The following VTI1A variants were observed in gnomAD, a reference collection of about 807,000 sequenced individuals.
VTI1A encodes vesicle transport through interaction with t-SNAREs 1A, also known as vesicle transport through interaction with t-SNAREs homolog 1A.
In VTI1A, 22 loss-of-function variants were observed where a neutral mutation model predicts 34.9. The ratio of observed to expected loss-of-function variants is 0.63; its 90% CI spans 0.45 to 0.90. The LOEUF (loss-of-function observed/expected upper bound fraction) is 0.90. VTI1A is among the 40% of genes least tolerant of loss of function. The probability of loss-of-function intolerance (pLI) is 0.00; values close to 1 mark genes in which losing one functional copy is unlikely to be tolerated. For synonymous variants in VTI1A, 87 were observed against 97.3 expected, an observed-to-expected ratio of 0.89 and a Z score of 0.62; for missense variants, 268 against 275.6, an observed-to-expected ratio of 0.97 and a Z score of 0.20.
At chr10:112,491,672 T>A (rs574648638) in intron 3 of VTI1A, among the ~76,000 whole-genome samples, 1 of 152,306 alleles carries the variant, frequency 6.6e-6, no homozygotes, top group South Asian at 2.1e-4. Flanking sequence ...TAATGAGATA[T>A]TTTACATTCT....
At chr10:112,619,238 T>A (rs1845638944) in intron 5 of VTI1A, among the ~76,000 whole-genome samples, 1 of 152,060 alleles carries the variant, frequency 6.6e-6, no homozygotes, top group Non-Finnish European at 1.5e-5. Flanking sequence ...TGGAAAACAG[T>A]TATTTGGGAG....
Position 112,668,305 on chromosome 10 carries a change from C to G in VTI1A, c.498+17C>G, listed in dbSNP as rs1202397315. 2.5e-6 allele frequency: 4 copies of G among 1,609,224 alleles called. No individual in the cohort carries two copies. The highest frequency in any genetic ancestry group is 3.4e-6 in the Non-Finnish European group (4 of 1,177,038). On this transcript the variant is annotated intron_variant, in intron 6 of 7. Transcript: ENST00000393077. ...CGTGAAAGAGTAAGTACAATTGATA[C>G]AGTTTTTTCACATATTCAGTAAATG...
chr10:112,693,725 G>T (rs1240975484), intron 7 of VTI1A, among the ~76,000 whole-genome samples: 1 of 152,100 alleles, frequency 6.6e-6, no homozygotes, highest in African/African-American at 2.4e-5. Flanking sequence ...AAGCACAAAA[G>T]GTAAATTAAA....
chr10:112,660,796 C>T (rs896865619), intron 5 of VTI1A, among the ~76,000 whole-genome samples: 1 of 152,106 alleles, frequency 6.6e-6, no homozygotes, highest in African/African-American at 2.4e-5. Flanking sequence ...TTACAGCCTA[C>T]CTTAAATAAA....
chr10:112,653,295 A>AT (rs1475459658), intron 5 of VTI1A, among the ~76,000 whole-genome samples: 2 of 152,070 alleles, frequency 1.3e-5, no homozygotes, highest in East Asian at 3.9e-4. Context: ...TTAAGAGGGA[A>AT]TTTTTTTCAT....
At chr10:112,671,681 A>C (rs1847853301) in intron 7 of VTI1A, 3 of 152,188 alleles carry the variant, frequency 2.0e-5, no homozygotes, top group African/African-American at 7.2e-5. Flanking sequence ...CATTGATACC[A>C]AGATCTGTGC....
chr10:112,717,356 A>G (rs919954651), intron 7 of VTI1A, among the ~76,000 whole-genome samples: 1 of 152,124 alleles, frequency 6.6e-6, no homozygotes, highest in African/African-American at 2.4e-5. Context: ...CTAGAAATGC[A>G]GTGACTTCAG....
chr10:112,711,213 T>G (rs545738849), intron 7 of VTI1A, among the ~76,000 whole-genome samples: 100 of 152,350 alleles, frequency 6.6e-4, no homozygotes, highest in Middle Eastern at 3.4e-3. Flanking sequence ...TCTAGTGACA[T>G]TAATTTGGCG....
At chr10:112,701,943 G>A (rs1423197990) in intron 7 of VTI1A, among the ~76,000 whole-genome samples, 2 of 152,172 alleles carry the variant, frequency 1.3e-5, no homozygotes, top group Non-Finnish European at 2.9e-5. Context: ...AGTGAAGGGT[G>A]TCATTCATAA....
intron 5 of VTI1A, among the ~76,000 whole-genome samples, chr10:112,588,770 T>C (rs996006334): frequency 1.3e-5 from 2 of 152,206 alleles, no homozygotes; most frequent in Non-Finnish European, 2.9e-5. Flanking sequence ...TTATAGTAAA[T>C]GTGTTCAACA....
intron 5 of VTI1A, among the ~76,000 whole-genome samples, chr10:112,656,946 G>A (rs1590035139): frequency 1.3e-5 from 2 of 151,992 alleles, no homozygotes; most frequent in African/African-American, 2.4e-5. Flanking sequence ...GTTAGTTATC[G>A]CGACATCAGG....
intron 5 of VTI1A, among the ~76,000 whole-genome samples, chr10:112,564,122 T>G (rs564950094): frequency 1.8e-4 from 27 of 152,108 alleles, no homozygotes; most frequent in Middle Eastern, 3.4e-3. Context: ...AAATAGTTTT[T>G]TTTTTTTTTT....
chr10:112,785,629 T>C (rs1293454625), intron 7 of VTI1A, among the ~76,000 whole-genome samples: 4 of 152,258 alleles, frequency 2.6e-5, no homozygotes, highest in African/African-American at 9.6e-5. Flanking sequence ...AGAAGTTTTA[T>C]AGTTTAGCCT....
At chr10:112,845,515 G>A in the VTI1A span, among the ~76,000 whole-genome samples, 6 of 152,198 alleles carry the variant, frequency 3.9e-5, no homozygotes, top group Admixed American at 2.0e-4. Flanking sequence ...ACTAACTTGC[G>A]CAGCAGCGAC....
chr10:112,830,843 A>T, the VTI1A span, among the ~76,000 whole-genome samples: 42 of 45,196 alleles, frequency 9.3e-4, 3 homozygotes, highest in African/African-American at 3.1e-3. Context: ...ATATATATAT[A>T]TATATATTTT....
intron 5 of VTI1A, among the ~76,000 whole-genome samples, chr10:112,550,889 A>C (rs1484092422): frequency 3.3e-5 from 5 of 152,138 alleles, no homozygotes; most frequent in Admixed American, 3.3e-4. Context: ...TGCTAATTTC[A>C]TTGTAATCAA....
At chr10:112,834,145 C>T in the VTI1A span, among the ~76,000 whole-genome samples, 1 of 152,314 alleles carries the variant, frequency 6.6e-6, no homozygotes, top group African/African-American at 2.4e-5. Context: ...ACATGCAGCT[C>T]AGAACCTGGA....
chr10:112,796,500 A>G (rs188782692), intron 7 of VTI1A, among the ~76,000 whole-genome samples: 3 of 152,156 alleles, frequency 2.0e-5, no homozygotes, highest in Admixed American at 2.0e-4. Context: ...TGAATTCCCA[A>G]CCCACTGATC....
At chr10:112,834,416 G>C in the VTI1A span, among the ~76,000 whole-genome samples, 1 of 152,156 alleles carries the variant, frequency 6.6e-6, no homozygotes, top group African/African-American at 2.4e-5. Flanking sequence ...CAAACAAGGA[G>C]GTCCCAATTC....
Sources: gnomAD v4.1 joint callset for allele counts (sites outside exome capture counted in the v4.1 genomes callset) on GRCh38, gnomAD v4.1.1 for gene constraint, MANE v1.5 for transcripts, NCBI Gene and HGNC (gene_info 2026-07-23, HGNC 2026-07-21) for gene names.